The following MROH9 variants were observed in gnomAD, a reference collection of about 807,000 sequenced individuals.
MROH9 encodes the protein maestro heat like repeat family member 9, also known as maestro heat-like repeat-containing protein family member 9.
Under a neutral mutation model 98.2 loss-of-function variants are expected in MROH9, and 92 were observed. The observed-to-expected ratio is 0.94, with a 90% CI of 0.79 to 1.11. MROH9 has a LOEUF of 1.11. Among genes scored for constraint, MROH9 ranks in the 50% most tolerant of loss-of-function variants. The pLI, the probability that MROH9 is intolerant of heterozygous loss-of-function variation, is 0.00. For missense variants in MROH9, 1,057 were observed against 1,014.8 expected, an observed-to-expected ratio of 1.04 and a Z score of -0.57; for synonymous variants, 397 against 368.9, an observed-to-expected ratio of 1.08 and a Z score of -0.87.
chr1:170,990,934 A>G (rs985628599), intron 11 of MROH9, among the ~76,000 whole-genome samples: 1 of 152,148 alleles, frequency 6.6e-6, no homozygotes, highest in South Asian at 2.1e-4. Context: ...GATGGTATTT[A>G]TTTAGGAAGC....
At chr1:170,962,070 T>G in intron 6 of MROH9, 94 bp downstream of exon 6, 1 of 673,080 alleles carries the variant, frequency 1.5e-6, no homozygotes, top group Non-Finnish European at 2.4e-6. Flanking sequence ...TTGCATCTCC[T>G]TCAAGTATTT....
Position 170,995,463 on chromosome 1 carries a change from C to T in MROH9, c.1269C>T (p.Leu423=). 6.2e-7 allele frequency: 1 copy of T among 1,613,418 alleles called. No homozygotes were observed. The highest frequency in any genetic ancestry group is 1.1e-5 in the South Asian group (1 of 91,066). The part of the protein sequence containing the change: ...RKAVAQYFPQ[L]LTTLMFQVFY... ...CGGTGGCCCAGTATTTCCCCCAGCT[C>T]TTGACGACTCTTATGTTCCAAGTCT... is the stretch of plus-strand genomic sequence containing the variant. Residue 423 remains leucine (L), a synonymous_variant, in exon 13 of 22, where the codon CTC becomes CTT. Coordinates refer to ENST00000367759, the MANE Select transcript of MROH9 (RefSeq NM_001163629.2).
chr1:170,964,346 A>G (rs1261402580), intron 6 of MROH9, among the ~76,000 whole-genome samples: 3 of 131,144 alleles, frequency 2.3e-5, no homozygotes, highest in African/African-American at 9.8e-5. Flanking sequence ...CCTGAAAAGG[A>G]CAAGGCAGAG....
At chr1:171,028,458 C>T (rs1652799379) in intron 20 of MROH9, among the ~76,000 whole-genome samples, 1 of 152,156 alleles carries the variant, frequency 6.6e-6, no homozygotes, top group Non-Finnish European at 1.5e-5. Context: ...AGCCAGGCAC[C>T]ACAATGCCTC....
chr1:171,026,078 G>A (rs1355124812), intron 20 of MROH9, among the ~76,000 whole-genome samples: 2 of 152,076 alleles, frequency 1.3e-5, no homozygotes, highest in South Asian at 2.1e-4. Context: ...GGAAATACAT[G>A]GTCACATCAT....
chr1:170,995,465 T>C lies in MROH9; in HGVS notation c.1271T>C (p.Leu424Ser). The C allele has an allele frequency of 6.2e-7, 1 of 1,613,448 alleles. No homozygotes were observed. Among genetic ancestry groups the C allele is most frequent in the Non-Finnish European group, 8.5e-7 (1 of 1,179,608 alleles). The change falls in exon 13 of 22, where the codon TTG (leucine) becomes TCG (serine). Residue 424 changes from leucine (L) to serine (S), a missense_variant. Coordinates refer to ENST00000367759, the MANE Select transcript of MROH9 (RefSeq NM_001163629.2). Reference sequence around the variant, plus strand: ...GTGGCCCAGTATTTCCCCCAGCTCTTGACGACTCTTATGTTCCAAGTCTTC... The same window carrying C: ...GTGGCCCAGTATTTCCCCCAGCTCTCGACGACTCTTATGTTCCAAGTCTTC... ...KAVAQYFPQLLTTLMFQVFYN... is the reference protein window; with the variant it reads ...KAVAQYFPQLSTTLMFQVFYN...
rs145141468 is a variant in MROH9, at chr1:171,054,328, T to A, written c.2282-7804T>A. Among the ~76,000 whole-genome samples the A allele has an allele frequency of 1.1e-4, 17 of 152,312 alleles. No individual in the cohort carries two copies. The East Asian group carries it at 2.7e-3, about 24-fold the overall frequency. On this transcript the variant is annotated intron_variant, in intron 20 of 21. Transcript: ENST00000367759. ...GTGCTGGGATAATTGGCAAGCCACA[T>A]GTAGAAGAATGAAAAGTGGATTCTC...
intron 20 of MROH9, among the ~76,000 whole-genome samples, chr1:171,028,791 T>C (rs774318569): frequency 5.9e-5 from 9 of 152,208 alleles, no homozygotes; most frequent in Non-Finnish European, 1.0e-4. Flanking sequence ...GTAGCGATTA[T>C]GAATGGGAGT....
At chr1:170,953,100 G>C (rs1372751706) in intron 3 of MROH9, among the ~76,000 whole-genome samples, 1 of 152,050 alleles carries the variant, frequency 6.6e-6, no homozygotes, top group African/African-American at 2.4e-5. Flanking sequence ...TGAATTTATA[G>C]ATTAAGTTAT....
chr1:171,028,841 T>C (rs1057327153), intron 20 of MROH9, among the ~76,000 whole-genome samples: 1 of 152,224 alleles, frequency 6.6e-6, no homozygotes, highest in Non-Finnish European at 1.5e-5. Context: ...ATCATTGGTG[T>C]AAATGAATGC....
At chr1:171,012,158 A>G (rs969087231) in intron 15 of MROH9, among the ~76,000 whole-genome samples, 1 of 151,974 alleles carries the variant, frequency 6.6e-6, no homozygotes, top group Non-Finnish European at 1.5e-5. Flanking sequence ...TAAGATTTTG[A>G]TCCACAAATT....
At chr1:170,971,956 G>C in intron 8 of MROH9, 73 bp downstream of exon 8, 1 of 1,506,892 alleles carries the variant, frequency 6.6e-7, no homozygotes, top group Non-Finnish European at 9.1e-7. Flanking sequence ...ATAGGTCCTG[G>C]GAAGGCTCTA....
intron 9 of MROH9, among the ~76,000 whole-genome samples, chr1:170,985,419 C>T (rs1393514255): frequency 6.6e-6 from 1 of 152,160 alleles, no homozygotes; most frequent in Non-Finnish European, 1.5e-5. Flanking sequence ...AAGAACCCAG[C>T]TGATCCTGTG....
At chr1:170,995,229 C>T (rs529327753) in intron 12 of MROH9, among the ~76,000 whole-genome samples, 160 bp from the exon 13 acceptor site, 5 of 152,208 alleles carry the variant, frequency 3.3e-5, no homozygotes, top group Admixed American at 6.6e-5. Flanking sequence ...ACTGATGTAA[C>T]GGCTGTTATT....
At chr1:170,973,597 T>A (rs1650563971) in intron 8 of MROH9, among the ~76,000 whole-genome samples, 1 of 152,172 alleles carries the variant, frequency 6.6e-6, no homozygotes, top group African/African-American at 2.4e-5. Flanking sequence ...ATTATTAGGT[T>A]GGGCACGGTG....
At chr1:171,041,561 A>ATTTGT (rs930588293) in intron 20 of MROH9, among the ~76,000 whole-genome samples, 7 of 151,472 alleles carry the variant, frequency 4.6e-5, no homozygotes, top group African/African-American at 1.7e-4. Context: ...TGATACAATT[A>ATTTGT]TTTGTTTTTC....
chr1:171,001,703 A>G (rs1360336655), intron 15 of MROH9, among the ~76,000 whole-genome samples: 1 of 152,126 alleles, frequency 6.6e-6, no homozygotes, highest in Admixed American at 6.6e-5. Flanking sequence ...GTTGAACAGA[A>G]TGTGTATTCT....
At chr1:170,942,415 A>T (rs1011681738) in intron 1 of MROH9, among the ~76,000 whole-genome samples, 1 of 150,914 alleles carries the variant, frequency 6.6e-6, no homozygotes, top group African/African-American at 2.4e-5. Flanking sequence ...ACACACCCTC[A>T]GAGAATACCG....
intron 21 of MROH9, among the ~76,000 whole-genome samples, chr1:171,062,410 C>T (rs755784651): frequency 6.6e-6 from 1 of 152,096 alleles, no homozygotes; most frequent in Non-Finnish European, 1.5e-5. Flanking sequence ...ACTCTCTTTC[C>T]CTGTTTCAGT....
Sources: gnomAD v4.1 joint callset for allele counts (sites outside exome capture counted in the v4.1 genomes callset) on GRCh38, gnomAD v4.1.1 for gene constraint, MANE v1.5 for transcripts, NCBI Gene and HGNC (gene_info 2026-07-23, HGNC 2026-07-21) for gene names.